The following CNPY3 variants were observed in gnomAD, a reference collection of about 807,000 sequenced individuals.
CNPY3 encodes protein canopy homolog 3.
A neutral mutation model predicts 32.0 loss-of-function variants in CNPY3; 20 were observed. That is an observed-to-expected ratio of 0.63 (90% CI 0.44 to 0.91). CNPY3 has a LOEUF of 0.91. CNPY3 is among the 40% of genes least tolerant of loss of function. CNPY3 has a pLI of 0.00. For missense variants in CNPY3, 299 were observed against 340.8 expected (o/e 0.88, Z 0.97); for synonymous variants, 138 against 142.9 (o/e 0.97, Z 0.24).
chr6:42,931,933 G>A (rs2114157463), intron 1 of CNPY3, among the ~76,000 whole-genome samples: 1 of 152,044 alleles, frequency 6.6e-6, no homozygotes, highest in African/African-American at 2.4e-5. Context: ...ATGTTGGCCA[G>A]GTTGGTCTTG....
intron 3 of CNPY3, among the ~76,000 whole-genome samples, chr6:42,936,034 T>G (rs771580718): frequency 1.2e-4 from 18 of 151,630 alleles, no homozygotes; most frequent in Non-Finnish European, 1.9e-4. Context: ...TCGGTGGGAG[T>G]GACTGCCCAG....
chr6:42,938,624 A>C lies in CNPY3; in HGVS notation c.670A>C (p.Lys224Gln). ...GGGAGACACAGCTGCCCTGGGAGGG[A>C]AGAAGTCCAAGAAGAAGAGCAGCAG... ...KKGDTAALGG[K>Q]KSKKKSSRAK... The change falls in exon 6 of 6, where the codon AAG becomes CAG. Residue 224 changes from lysine to glutamine, a missense_variant. This residue lies in a region of CNPY3 where 211 missense variants were observed against 278.3 expected (regional missense o/e 0.76). Transcript: ENST00000372836. 2 of 1,609,990 alleles carry C rather than the reference A, an allele frequency of 1.2e-6. No homozygotes were observed. The highest frequency in any genetic ancestry group is 1.1e-5 in the South Asian group (1 of 90,210).
At chr6:42,936,750 G>T (rs1187666625) in intron 3 of CNPY3, among the ~76,000 whole-genome samples, 1 of 152,002 alleles carries the variant, frequency 6.6e-6, no homozygotes, top group African/African-American at 2.4e-5. Flanking sequence ...CTGGCCAGGG[G>T]GTCTCGAACT....
intron 1 of CNPY3, 95 bp from the exon 2 acceptor site, chr6:42,934,380 T>C: frequency 6.6e-7 from 1 of 1,520,178 alleles, no homozygotes; most frequent in Non-Finnish European, 9.1e-7. Context: ...TCCTCCAGTC[T>C]AGGAAAGGAT....
rs570826160 is a variant in CNPY3 at position 42,931,293 on chromosome 6, C to T, written c.151+1572C>T. ...CCAGGCTGGAATGCAGTGGCGCGAT[C>T]TTGGCTCACCGCAACCTCCAGTGAC... On this transcript the variant is annotated intron_variant, in intron 1 of 5. Transcript: ENST00000372836. 9.9e-4 allele frequency among the ~76,000 whole-genome samples: 147 copies of T among 148,992 alleles called. No individual in the cohort carries two copies. In the South Asian group the frequency reaches 0.03, roughly 31 times the overall value.
Position 42,937,790 on chromosome 6 carries a change from A to T in CNPY3, c.446A>T (p.Tyr149Phe). 6.2e-7 allele frequency: 1 copy of T among 1,614,056 alleles called. No homozygotes were observed. Among genetic ancestry groups the T allele is most frequent in the Non-Finnish European group, 8.5e-7 (1 of 1,179,928 alleles). The change falls in exon 4 of 6, where the codon TAT (tyrosine) becomes TTT (phenylalanine). Residue 149 changes from tyrosine (Y) to phenylalanine (F), a missense_variant. By Grantham distance (22) the Tyr-to-Phe change is conservative. Around this residue, in one of 2 missense-constraint regions of CNPY3, gnomAD observed 211 missense variants for 278.3 expected, o/e 0.76. Transcript: ENST00000372836. ...KGVKVVMDIP[Y>F]ELWNETSAEV... ...GTCAAGGTGGTGATGGACATCCCCT[A>T]TGAGCTGTGGAACGAGACTTCTGCA...
At chr6:42,929,466 T>A, upstream of CNPY3, 1 of 1,243,334 alleles carries the variant, frequency 8.0e-7, no homozygotes, top group Non-Finnish European at 1.1e-6. Flanking sequence ...TCGTGGTTGC[T>A]CGGAGGCACG....
intron 3 of CNPY3, among the ~76,000 whole-genome samples, chr6:42,936,243 G>A (rs751868486): frequency 5.8e-5 from 8 of 138,090 alleles, no homozygotes; most frequent in Non-Finnish European, 7.7e-5. Flanking sequence ...TTCTACCTAA[G>A]TTTCCTTCTA....
chr6:42,939,234 G>A lies in CNPY3; in HGVS notation c.*443G>A, dbSNP rs1293845925. On this transcript the variant is annotated 3_prime_UTR_variant, in exon 6 of 6. Coordinates refer to ENST00000372836, the MANE Select transcript of CNPY3 (RefSeq NM_006586.5). ...TGCACTCTGCCTGGCCCTTCCCAGAGCCCAAAGAGTAAAAATGTTCTGGTT... is the reference window on the plus strand; with the variant it reads ...TGCACTCTGCCTGGCCCTTCCCAGAACCCAAAGAGTAAAAATGTTCTGGTT... 3.0e-6 allele frequency: 3 copies of A among 992,062 alleles called. No individual in the cohort carries two copies. The highest frequency in any genetic ancestry group is 3.6e-6 in the Non-Finnish European group (3 of 834,908). 61.5% of individuals were successfully genotyped at this position (992,062 alleles called of 1,614,324 possible). A position where few individuals can be genotyped will look rare whatever the true frequency, so the allele number is the denominator to read the frequency against.
chr6:42,931,444 C>T (rs1276548021), intron 1 of CNPY3, among the ~76,000 whole-genome samples: 4 of 150,014 alleles, frequency 2.7e-5, no homozygotes, highest in African/African-American at 7.4e-5. Context: ...GACCTTGACT[C>T]GCTGCAACCT....
upstream of CNPY3, among the ~76,000 whole-genome samples, chr6:42,928,422 A>C (rs1276362286): frequency 6.6e-6 from 1 of 150,828 alleles, no homozygotes; most frequent in Non-Finnish European, 1.5e-5. Context: ...GGGATTACAG[A>C]CATTAGCCAC....
At chr6:42,929,143 C>A (rs1323199546), upstream of CNPY3, 2 of 162,944 alleles carry the variant, frequency 1.2e-5, no homozygotes, top group Non-Finnish European at 2.7e-5. Context: ...GCGAAGACGG[C>A]CTTCCCCACA....
intron 1 of CNPY3, among the ~76,000 whole-genome samples, chr6:42,933,346 G>A (rs1767969497): frequency 6.6e-6 from 1 of 152,160 alleles, no homozygotes; most frequent in Non-Finnish European, 1.5e-5. Flanking sequence ...GAAGGGAGGG[G>A]ACCTTGTTTT....
intron 1 of CNPY3, among the ~76,000 whole-genome samples, chr6:42,932,516 A>T (rs1242961272): frequency 6.6e-6 from 1 of 152,154 alleles, no homozygotes; most frequent in Non-Finnish European, 1.5e-5. Context: ...TTGAAGAGGT[A>T]ATGTTTGGAA....
chr6:42,932,284 A>AT (rs1435940448), intron 1 of CNPY3, among the ~76,000 whole-genome samples: 1 of 152,182 alleles, frequency 6.6e-6, no homozygotes, highest in Non-Finnish European at 1.5e-5. Flanking sequence ...TCTTAATAGT[A>AT]TATTTGTTTG....
In CNPY3 at chr6:42,938,156, G is replaced by A; in HGVS notation, c.562G>A (p.Asp188Asn). 2 of 1,614,154 alleles carry A rather than the reference G, an allele frequency of 1.2e-6. No homozygotes were observed. The highest frequency in any genetic ancestry group is 2.2e-5 in the South Asian group (2 of 91,072). Residue 188 changes from aspartate (D) to asparagine (N), a missense_variant, in exon 5 of 6, where the codon GAC becomes AAC. Physicochemically the swap from Asp to Asn is conservative, Grantham distance 23. This residue lies in a region of CNPY3 where 211 missense variants were observed against 278.3 expected (regional missense o/e 0.76). Coordinates refer to ENST00000372836, the MANE Select transcript of CNPY3 (RefSeq NM_006586.5). ...EDWYRNHQEE[D>N]LTEFLCANHV... is the part of the protein sequence containing the mutation. ...CTGGTACAGGAACCACCAGGAGGAA[G>A]ACCTGACTGAATTCCTCTGCGCCAA...
At chr6:42,935,762 C>T in intron 3 of CNPY3, 92 bp downstream of exon 3, 1 of 1,355,466 alleles carries the variant, frequency 7.4e-7, no homozygotes, top group Non-Finnish European at 1.0e-6. Context: ...TGAAGATGAC[C>T]ACCTGGGATC....
intron 3 of CNPY3, among the ~76,000 whole-genome samples, chr6:42,937,000 T>G (rs771630422): frequency 6.6e-6 from 1 of 152,194 alleles, no homozygotes; most frequent in Non-Finnish European, 1.5e-5. Context: ...GGATAAGACC[T>G]AGGCAGCTAG....
intron 3 of CNPY3, 96 bp downstream of exon 3, chr6:42,935,766 T>C: frequency 7.5e-7 from 1 of 1,339,524 alleles, no homozygotes; most frequent in Non-Finnish European, 1.0e-6. Flanking sequence ...GATGACCACC[T>C]GGGATCTTCC....
Sources: gnomAD v4.1 joint callset for allele counts (sites outside exome capture counted in the v4.1 genomes callset) on GRCh38, gnomAD v4.1.1 for gene constraint, gnomAD v4.1.1 regional missense constraint, MANE v1.5 for transcripts, NCBI Gene and HGNC (gene_info 2026-07-23, HGNC 2026-07-21) for gene names.